NR2F6: variants seen among roughly 807,000 people sequenced by gnomAD.
NR2F6 encodes the protein ERBA-related gene-2.
Under a neutral mutation model 26.5 loss-of-function variants are expected in NR2F6, and 16 were observed. That is an observed-to-expected ratio of 0.60 (90% CI 0.41 to 0.92). The LOEUF (loss-of-function observed/expected upper bound fraction) is 0.92. Ranked by LOEUF, NR2F6 falls within the 40% of genes least tolerant of loss-of-function variation. The pLI is 0.00. For missense variants in NR2F6, 536 were observed against 631.7 expected, an observed-to-expected ratio of 0.85 and a Z score of 1.62; for synonymous variants, 325 against 305.0, an observed-to-expected ratio of 1.07 and a Z score of -0.68.
At chr19:17,240,618 C>T (rs2073463974) in intron 2 of NR2F6, 53 bp downstream of exon 2, 1 of 1,579,276 alleles carries the variant, frequency 6.3e-7, no homozygotes, top group Non-Finnish European at 8.7e-7. Context: ...TGTTTGTTCA[C>T]CCCGGCTCCA....
chr19:17,237,634 T>A (rs1022119340), intron 2 of NR2F6, among the ~76,000 whole-genome samples: 3 of 152,070 alleles, frequency 2.0e-5, no homozygotes, highest in Non-Finnish European at 4.4e-5. Context: ...ATGGTCTCAA[T>A]CTCCTGACCT....
intron 3 of NR2F6, 123 bp from the exon 4 acceptor site, chr19:17,232,749 A>C: frequency 2.1e-5 from 25 of 1,201,454 alleles, no homozygotes; most frequent in Non-Finnish European, 2.6e-5. Context: ...ATGATGGCTC[A>C]CGGCCACAGT....
rs2073429476 is a variant in NR2F6, at chr19:17,235,276, T to C, written c.940+223A>G. Among the ~76,000 whole-genome samples, 1 of 152,200 alleles carries C rather than the reference T, an allele frequency of 6.6e-6. No individual in the cohort carries two copies. Among genetic ancestry groups the C allele is most frequent in the South Asian group, 2.1e-4 (1 of 4,830 alleles). On this transcript the variant is annotated intron_variant, in intron 3 of 3. Transcript: ENST00000291442. This position sits in a 1 kb window ranked among gnomAD's most constrained non-coding sequence, Gnocchi z 5.0. Reference sequence around the variant, plus strand: ...GGGTCTGGGGTCCGGGGTTCAGAGTTCTCCGAGAGTCCTGGGATCACGGAG... The same window carrying C: ...GGGTCTGGGGTCCGGGGTTCAGAGTCCTCCGAGAGTCCTGGGATCACGGAG...
rs773069939 is a variant in NR2F6 at position 17,235,800 on chromosome 19, G to A, written c.639C>T (p.Thr213=). The change falls in exon 3 of 4, where the codon ACC becomes ACT. Residue 213 remains threonine, a synonymous_variant. Coordinates refer to ENST00000291442, the MANE Select transcript of NR2F6 (RefSeq NM_005234.4). The surrounding 1 kb of genome is among the most constrained non-coding windows in gnomAD (Gnocchi z 5.0). ...AGGGCGCGTGGCGCGCCCACTCCAC[G>A]GTGCTGAAGAGCAGCCGCGCCGCCA... ...CELAARLLFS[T]VEWARHAPFF... 5.3e-5 allele frequency: 78 copies of A among 1,480,232 alleles called. No homozygotes were observed. The Middle Eastern group carries it at 1.2e-3, about 22-fold the overall frequency. The allele number at this position is 1,480,232 out of a possible 1,614,324, so 91.7% of individuals were successfully genotyped here.
At position 17,245,264 on chromosome 19, in the gene NR2F6, C is replaced by A; in HGVS notation, c.-44G>T. ...CCGGGGCGCCCCCACCGCGCTCTTC[C>A]CTCCGGGCACCCCTCTCGGCCCGGG... On this transcript the variant is annotated 5_prime_UTR_variant, in exon 1 of 4. Coordinates refer to ENST00000291442, the MANE Select transcript of NR2F6 (RefSeq NM_005234.4). This position sits in a 1 kb window ranked among gnomAD's most constrained non-coding sequence, Gnocchi z 5.0. 1 of 1,215,146 alleles carries A rather than the reference C, an allele frequency of 8.2e-7. No individual in the cohort carries two copies. Among genetic ancestry groups the A allele is most frequent in the South Asian group, 3.5e-5 (1 of 28,688 alleles). 75.3% of individuals were successfully genotyped at this position (1,215,146 alleles called of 1,614,324 possible). A position where few individuals can be genotyped will look rare whatever the true frequency, so the allele number is the denominator to read the frequency against.
chr19:17,235,668 C>T lies in NR2F6; in HGVS notation c.771G>A (p.Ala257=), dbSNP rs1321840339. ...AAQAALPLHT[A]PLLAAAGLHA... is the part of the protein sequence containing the mutation. ...GGAGGCCGGCGGCGGCCAGTAGCGG[C>T]GCCGTGTGCAGGGGCAGCGCCGCCT... The change falls in exon 3 of 4, where the codon GCG becomes GCA. Residue 257 remains alanine (A), a synonymous_variant. Coordinates refer to ENST00000291442, the MANE Select transcript of NR2F6 (RefSeq NM_005234.4). The surrounding 1 kb of genome is among the most constrained non-coding windows in gnomAD (Gnocchi z 5.0). 5.3e-6 allele frequency: 8 copies of T among 1,516,666 alleles called. No homozygotes were observed. The highest frequency in any genetic ancestry group is 6.1e-6 in the Non-Finnish European group (7 of 1,140,306). The allele number at this position is 1,516,666 out of a possible 1,614,324, so 94.0% of individuals were successfully genotyped here. A position where few individuals can be genotyped will look rare whatever the true frequency, so the allele number is the denominator to read the frequency against.
At chr19:17,232,701 C>T in intron 3 of NR2F6, 75 bp from the exon 4 acceptor site, 1 of 1,466,980 alleles carries the variant, frequency 6.8e-7, no homozygotes, top group Non-Finnish European at 9.0e-7. Flanking sequence ...GACTAGGGGA[C>T]ACCACTCGCC....
intron 1 of NR2F6, among the ~76,000 whole-genome samples, chr19:17,243,501 CAGGA>C (rs2073479863): frequency 6.6e-6 from 1 of 152,010 alleles, no homozygotes; most frequent in Admixed American, 6.6e-5. Context: ...ACACCACCCT[CAGGA>C]AGCTCCTGGG....
chr19:17,245,124 C>A lies in NR2F6; in HGVS notation c.97G>T (p.Ala33Ser). The change falls in exon 1 of 4, where the codon GCC (alanine) becomes TCC (serine). Residue 33 changes from alanine (A) to serine (S), a missense_variant. Coordinates refer to ENST00000291442, the MANE Select transcript of NR2F6 (RefSeq NM_005234.4). This position sits in a 1 kb window ranked among gnomAD's most constrained non-coding sequence, Gnocchi z 5.0. Reference protein sequence around the residue: ...GYPRAAEDDSASPPGAASDAE... With the variant: ...GYPRAAEDDSSSPPGAASDAE... Reference sequence around the variant, plus strand: ...TCGCTGGCGGCACCGGGGGGCGAGGCCGAGTCGTCCTCGGCCGCGCGCGGG... The same window carrying A: ...TCGCTGGCGGCACCGGGGGGCGAGGACGAGTCGTCCTCGGCCGCGCGCGGG... 1.3e-6 allele frequency: 2 copies of A among 1,526,314 alleles called. No homozygotes were observed. Among genetic ancestry groups the A allele is most frequent in the Non-Finnish European group, 1.8e-6 (2 of 1,139,028 alleles). The allele number at this position is 1,526,314 out of a possible 1,614,324, so 94.5% of individuals were successfully genotyped here. A position where few individuals can be genotyped will look rare whatever the true frequency, so the allele number is the denominator to read the frequency against.
chr19:17,235,773 G>C lies in NR2F6; in HGVS notation c.666C>G (p.Phe222Leu). The change falls in exon 3 of 4, where the codon TTC becomes TTG. Residue 222 changes from phenylalanine (F) to leucine (L), a missense_variant. Transcript: ENST00000291442. This position sits in a 1 kb window ranked among gnomAD's most constrained non-coding sequence, Gnocchi z 5.0. ...GGTCGGCCACCGGCAGCTCGGGGAA[G>C]AAGGGCGCGTGGCGCGCCCACTCCA... Reference protein sequence around the residue: ...STVEWARHAPFFPELPVADQV... With the variant: ...STVEWARHAPLFPELPVADQV... The C allele has an allele frequency of 2.0e-6, 3 of 1,497,854 alleles. No homozygotes were observed. The highest frequency in any genetic ancestry group is 2.6e-6 in the Non-Finnish European group (3 of 1,132,300). 92.8% of individuals were successfully genotyped at this position (1,497,854 alleles called of 1,614,324 possible).
At position 17,236,037 on chromosome 19, in the gene NR2F6, C is replaced by T; in HGVS notation, c.402G>A (p.Ser134=). The T allele has an allele frequency of 1.6e-6, 2 of 1,289,576 alleles. No individual in the cohort carries two copies. Among genetic ancestry groups the T allele is most frequent in the East Asian group, 3.9e-5 (1 of 25,640 alleles). The allele number at this position is 1,289,576 out of a possible 1,614,324, so 79.9% of individuals were successfully genotyped here. The part of the protein sequence containing the change: ...EAVQRGRIPH[S]LPGAVAASSG... ...AGGAGGCGGCCACGGCACCAGGCAG[C>T]GAGTGCGGGATGCGGCCGCGCTGCA... is the stretch of plus-strand genomic sequence containing the variant. The change falls in exon 3 of 4, where the codon TCG becomes TCA. Residue 134 remains serine, a synonymous_variant. Transcript: ENST00000291442.
At position 17,235,382 on chromosome 19, in the gene NR2F6, C is replaced by T; in HGVS notation, c.940+117G>A. The T allele has an allele frequency of 1.3e-6, 2 of 1,482,156 alleles. No homozygotes were observed. Among genetic ancestry groups the T allele is most frequent in the South Asian group, 2.6e-5 (2 of 75,662 alleles). The allele number at this position is 1,482,156 out of a possible 1,614,324, so 91.8% of individuals were successfully genotyped here. On this transcript the variant is annotated intron_variant, in intron 3 of 3. Coordinates refer to ENST00000291442, the MANE Select transcript of NR2F6 (RefSeq NM_005234.4). This position sits in a 1 kb window ranked among gnomAD's most constrained non-coding sequence, Gnocchi z 5.0. ...CGTTCACTCACGGCGCGTGCAGGGC[C>T]CCAGGCCTAGGGAGCGAGCGGGGCG...
At chr19:17,234,536 G>A (rs1384367714) in intron 3 of NR2F6, among the ~76,000 whole-genome samples, 2 of 152,134 alleles carry the variant, frequency 1.3e-5, no homozygotes, top group Non-Finnish European at 2.9e-5. Context: ...GTAGGTTAAA[G>A]AACTCCCAGG....
intron 3 of NR2F6, among the ~76,000 whole-genome samples, chr19:17,234,693 G>A (rs1448468677): frequency 2.0e-5 from 3 of 151,682 alleles, no homozygotes; most frequent in African/African-American, 7.3e-5. Flanking sequence ...TACAGAAAAC[G>A]TTTAAAAAAA....
At chr19:17,237,030 G>A (rs1274945954) in intron 2 of NR2F6, among the ~76,000 whole-genome samples, 4 of 152,228 alleles carry the variant, frequency 2.6e-5, no homozygotes, top group Non-Finnish European at 4.4e-5. Flanking sequence ...TAATTAATGA[G>A]CTTTAATGAG....
chr19:17,239,797 A>G (rs1298580739), intron 2 of NR2F6, among the ~76,000 whole-genome samples: 1 of 152,128 alleles, frequency 6.6e-6, no homozygotes, highest in African/African-American at 2.4e-5. Flanking sequence ...CCAGCCTGGA[A>G]GATGGAGCGA....
At chr19:17,242,006 ACT>A (rs748863363) in intron 1 of NR2F6, among the ~76,000 whole-genome samples, 15 of 131,330 alleles carry the variant, frequency 1.1e-4, no homozygotes, top group Admixed American at 2.5e-4. Context: ...ACAGAGTGAG[ACT>A]CTGTCTCAAA....
chr19:17,240,988 C>T (rs2145567822), intron 1 of NR2F6, among the ~76,000 whole-genome samples: 1 of 152,318 alleles, frequency 6.6e-6, no homozygotes, highest in South Asian at 2.1e-4. Context: ...TGTGGAAAAG[C>T]AGATGAACAC....
chr19:17,240,788 G>A, intron 1 of NR2F6, 23 bp from the exon 2 acceptor site: 1 of 1,610,724 alleles, frequency 6.2e-7, no homozygotes, highest in East Asian at 2.2e-5. Flanking sequence ...AGAAGCCAGG[G>A]CTCCCTGAGA....
Sources: gnomAD v4.1 joint callset for allele counts (sites outside exome capture counted in the v4.1 genomes callset) on GRCh38, gnomAD v4.1.1 for gene constraint, Gnocchi (gnomAD v3.1) non-coding constraint, MANE v1.5 for transcripts, NCBI Gene and HGNC (gene_info 2026-07-23, HGNC 2026-07-21) for gene names.